The following ROBO1 variants were observed in gnomAD, a reference collection of about 807,000 sequenced individuals.
ROBO1 encodes roundabout homolog 1.
Under a neutral mutation model 195.9 loss-of-function variants are expected in ROBO1, and 149 were observed. That is an observed-to-expected ratio of 0.76 (90% CI 0.67 to 0.87). ROBO1 has a LOEUF of 0.87. Among genes scored for constraint, ROBO1 ranks in the 40% least tolerant of loss-of-function variants. The pLI is 0.00. For missense variants in ROBO1, 1,933 were observed against 2,068.3 expected (o/e 0.93, Z 1.27); for synonymous variants, 816 against 733.2 (o/e 1.11, Z -1.82).
chr3:79,524,824 T>G (rs1941359094), intron 2 of ROBO1, among the ~76,000 whole-genome samples: 1 of 152,096 alleles, frequency 6.6e-6, no homozygotes. Context: ...GAAACAAAAT[T>G]TGTTCCTCCA....
chr3:79,448,150 A>G (rs540277708), intron 2 of ROBO1, among the ~76,000 whole-genome samples: 92 of 152,330 alleles, frequency 6.0e-4, no homozygotes, highest in African/African-American at 2.1e-3. Context: ...TGGCAAATTT[A>G]GGTTGATAAA....
intron 2 of ROBO1, among the ~76,000 whole-genome samples, chr3:79,138,531 T>C (rs888572696): frequency 6.6e-6 from 1 of 152,048 alleles, no homozygotes; most frequent in Non-Finnish European, 1.5e-5. Flanking sequence ...CTATTTCTAA[T>C]AGAATAACAT....
chr3:79,129,067 C>T (rs2080273259), intron 2 of ROBO1, among the ~76,000 whole-genome samples: 1 of 152,074 alleles, frequency 6.6e-6, no homozygotes, highest in Non-Finnish European at 1.5e-5. Context: ...GATGCTCTAC[C>T]AACAACCAAA....
chr3:79,705,964 T>G (rs1947758120), intron 1 of ROBO1, among the ~76,000 whole-genome samples: 1 of 152,152 alleles, frequency 6.6e-6, no homozygotes, highest in South Asian at 2.1e-4. Context: ...AAATTCCACT[T>G]GTTCTTTGCT....
intron 4 of ROBO1, among the ~76,000 whole-genome samples, chr3:78,773,786 A>G (rs1425029893): frequency 1.3e-5 from 2 of 152,160 alleles, no homozygotes; most frequent in African/African-American, 2.4e-5. Flanking sequence ...TCTGGTACAC[A>G]GTGGGTGCAC....
chr3:79,738,365 A>G (rs891100749), intron 1 of ROBO1, among the ~76,000 whole-genome samples: 1 of 152,180 alleles, frequency 6.6e-6, no homozygotes, highest in Non-Finnish European at 1.5e-5. Flanking sequence ...ATCTAACACA[A>G]TGTAAACTTG....
At chr3:78,652,338 A>G (rs3773218) in intron 18 of ROBO1, among the ~76,000 whole-genome samples, 2,103 of 152,288 alleles carry the variant, frequency 0.014, 46 homozygotes, top group East Asian at 0.058. Context: ...GGAATATTTA[A>G]TAAGTATTCA....
In ROBO1 at chr3:79,076,708, G is replaced by A. The variant is rs540795485; in HGVS notation, c.172+48748C>T. On this transcript the variant is annotated intron_variant, in intron 3 of 30. Transcript: ENST00000464233. ...TAGAATTTCTAGGGAGGAAGAATTT[G>A]TAAAATACATGTGAGACCATTCAAA... is the stretch of plus-strand genomic sequence containing the variant. 1.4e-4 allele frequency among the ~76,000 whole-genome samples: 22 copies of A among 151,806 alleles called. No individual in the cohort carries two copies. In the South Asian group the frequency reaches 4.6e-3, roughly 31 times the overall value.
rs796187023 is a variant in ROBO1 at position 79,566,819 on chromosome 3, A to AT, written c.88+23004dup. On this transcript the variant is annotated intron_variant, in intron 2 of 30. Coordinates refer to ENST00000464233, the MANE Select transcript of ROBO1 (RefSeq NM_002941.4). ...AGGTTGTGGAAAGAAAGGAACATGT[A>AT]TATACTGCTGGTGGGAGTGTAAATT... Among the ~76,000 whole-genome samples, 88 of 152,258 alleles carry AT rather than the reference A, an allele frequency of 5.8e-4. 1 individual carries two copies. Among genetic ancestry groups the AT allele is most frequent in the African/African-American group, 1.9e-3 (79 of 41,562 alleles).
At chr3:79,555,416 G>A (rs940509141) in intron 2 of ROBO1, among the ~76,000 whole-genome samples, 1 of 152,106 alleles carries the variant, frequency 6.6e-6, no homozygotes, top group Non-Finnish European at 1.5e-5. Context: ...TTAATTTTCA[G>A]TGTGATACGT....
intron 1 of ROBO1, among the ~76,000 whole-genome samples, chr3:79,641,025 C>A (rs1206477496): frequency 6.6e-6 from 1 of 152,054 alleles, no homozygotes; most frequent in Non-Finnish European, 1.5e-5. Flanking sequence ...CAACTCTGAT[C>A]TTGTCTTGGT....
At chr3:79,449,504 G>T (rs1435106191) in intron 2 of ROBO1, among the ~76,000 whole-genome samples, 1 of 152,012 alleles carries the variant, frequency 6.6e-6, no homozygotes, top group South Asian at 2.1e-4. Flanking sequence ...AAATAAAAAC[G>T]ACCCTGTGTA....
intron 4 of ROBO1, among the ~76,000 whole-genome samples, chr3:78,820,082 G>A (rs565391914): frequency 3.3e-5 from 5 of 152,110 alleles, no homozygotes; most frequent in African/African-American, 9.7e-5. Context: ...AAAACAAAGG[G>A]CTTTCACATT....
intron 1 of ROBO1, among the ~76,000 whole-genome samples, chr3:79,691,767 T>A (rs1017112392): frequency 6.6e-6 from 1 of 151,948 alleles, no homozygotes; most frequent in Non-Finnish European, 1.5e-5. Flanking sequence ...CAAGAATTCT[T>A]AACATTGTCA....
chr3:78,742,908 A>C (rs2082567300), intron 5 of ROBO1, among the ~76,000 whole-genome samples: 1 of 152,190 alleles, frequency 6.6e-6, no homozygotes, highest in African/African-American at 2.4e-5. Flanking sequence ...CAGCAAAAGT[A>C]AATGAAGATT....
intron 2 of ROBO1, among the ~76,000 whole-genome samples, chr3:79,426,344 T>C (rs2038446528): frequency 6.6e-6 from 1 of 152,048 alleles, no homozygotes; most frequent in South Asian, 2.1e-4. Flanking sequence ...TTACTTCCTT[T>C]CTTCATATAT....
At chr3:79,478,505 T>C (rs952308132) in intron 2 of ROBO1, among the ~76,000 whole-genome samples, 2 of 152,056 alleles carry the variant, frequency 1.3e-5, no homozygotes, top group Non-Finnish European at 2.9e-5. Context: ...CACTCCATTA[T>C]TTATATGTCG....
At chr3:78,874,640 G>A (rs2035734495) in intron 4 of ROBO1, among the ~76,000 whole-genome samples, 1 of 151,434 alleles carries the variant, frequency 6.6e-6, no homozygotes, top group Non-Finnish European at 1.5e-5. Flanking sequence ...CTAATTATTA[G>A]CTCAAAAACA....
At chr3:79,459,948 T>A (rs2039750261) in intron 2 of ROBO1, among the ~76,000 whole-genome samples, 1 of 152,152 alleles carries the variant, frequency 6.6e-6, no homozygotes, top group South Asian at 2.1e-4. Flanking sequence ...TAAAGCTGCA[T>A]TAGTAGTAAG....
Sources: gnomAD v4.1 joint callset for allele counts (sites outside exome capture counted in the v4.1 genomes callset) on GRCh38, gnomAD v4.1.1 for gene constraint, MANE v1.5 for transcripts, NCBI Gene and HGNC (gene_info 2026-07-23, HGNC 2026-07-21) for gene names.